The following MELK variants were observed in gnomAD, a reference collection of about 807,000 sequenced individuals.
The protein encoded by MELK is pEg3 kinase.
A neutral mutation model predicts 85.0 loss-of-function variants in MELK; 81 were observed. The observed-to-expected ratio is 0.95, with a 90% CI of 0.80 to 1.15. MELK has a LOEUF of 1.15. Ranked by LOEUF, MELK falls within the 50% of genes most tolerant of loss-of-function variation. MELK has a pLI of 0.00. For synonymous variants in MELK, 252 were observed against 265.0 expected (o/e 0.95, Z 0.48); for missense variants, 754 against 777.5 (o/e 0.97, Z 0.36).
intron 14 of MELK, among the ~76,000 whole-genome samples, chr9:36,666,853 T>TGTGTG (rs1832383352): frequency 1.5e-5 from 2 of 130,744 alleles, no homozygotes; most frequent in African/African-American, 5.8e-5. Flanking sequence ...ATGTCTGTGT[T>TGTGTG]TGTGTGTGTG....
intron 16 of MELK, 38 bp downstream of exon 16, chr9:36,671,204 T>G (rs745662300): frequency 1.3e-6 from 2 of 1,501,506 alleles, no homozygotes; most frequent in Non-Finnish European, 1.8e-6. Flanking sequence ...GAGCAGAAGC[T>G]GACTGCTAAT....
chr9:36,666,898 TGTGTGTGTGATG>T lies in MELK; in HGVS notation c.1408+1327_1408+1338del, dbSNP rs1159444650. 1.3e-4 allele frequency among the ~76,000 whole-genome samples: 15 copies of T among 113,610 alleles called. No individual in the cohort carries two copies. The South Asian group carries it at 3.5e-3, about 26-fold the overall frequency. The allele number at this position is 113,610 out of a possible 152,430, so 74.5% of individuals were successfully genotyped here. A position where few individuals can be genotyped will look rare whatever the true frequency, so the allele number is the denominator to read the frequency against. On this transcript the variant is annotated intron_variant, in intron 14 of 17. Coordinates refer to ENST00000298048, the MANE Select transcript of MELK (RefSeq NM_014791.4). Reference sequence around the variant, plus strand: ...GTGTGTGTGTGTGTGTGTGTGTGTGTGTGTGTGTGATGGTGTGTGTGTGGGGGGGTGCGGTGG... The same window carrying T: ...GTGTGTGTGTGTGTGTGTGTGTGTGTGTGTGTGTGTGGGGGGGTGCGGTGG...
intron 12 of MELK, among the ~76,000 whole-genome samples, chr9:36,653,825 G>T (rs986917710): frequency 6.6e-6 from 1 of 151,022 alleles, no homozygotes. Context: ...CCTCTTTTAT[G>T]ATCTTTTGTT....
intron 8 of MELK, among the ~76,000 whole-genome samples, chr9:36,623,949 T>C (rs1308445018): frequency 6.6e-6 from 1 of 152,246 alleles, no homozygotes; most frequent in Admixed American, 6.5e-5. Context: ...GTAGTAATAG[T>C]ATCAGCAGCA....
chr9:36,589,920 G>GTTT (rs566073692), intron 4 of MELK, among the ~76,000 whole-genome samples: 3,115 of 125,724 alleles, frequency 0.025, 232 homozygotes, highest in African/African-American at 0.09. Flanking sequence ...ACTCATTCTA[G>GTTT]TTTTTTTTTT....
chr9:36,649,040 TAAGAG>T (rs942525542), intron 11 of MELK, among the ~76,000 whole-genome samples: 41 of 152,146 alleles, frequency 2.7e-4, no homozygotes, highest in African/African-American at 9.7e-4. Context: ...TATTCTCAGA[TAAGAG>T]AAGTGATTTT....
intron 13 of MELK, among the ~76,000 whole-genome samples, chr9:36,661,881 G>C (rs1831854554): frequency 6.7e-6 from 1 of 150,130 alleles, no homozygotes; most frequent in African/African-American, 2.5e-5. Context: ...AGCTTGCAGT[G>C]AGCCGAGATT....
chr9:36,672,597 G>C (rs932143385), intron 16 of MELK, among the ~76,000 whole-genome samples: 2 of 152,176 alleles, frequency 1.3e-5, no homozygotes, highest in Non-Finnish European at 2.9e-5. Flanking sequence ...GAGAAGACCT[G>C]GGTTCTGGCT....
At chr9:36,599,350 T>C (rs1281875103) in intron 6 of MELK, 44 bp from the exon 7 acceptor site, 2 of 1,251,914 alleles carry the variant, frequency 1.6e-6, no homozygotes, top group Admixed American at 2.0e-5. Context: ...TTTAATTCTC[T>C]TAAGCGTTGT....
At chr9:36,660,879 T>C (rs1831739344) in intron 13 of MELK, among the ~76,000 whole-genome samples, 2 of 152,030 alleles carry the variant, frequency 1.3e-5, no homozygotes, top group Admixed American at 6.6e-5. Context: ...TAATCCCAGC[T>C]ACTCGGAAGG....
At chr9:36,662,069 ATCTT>A (rs1474264484) in intron 13 of MELK, among the ~76,000 whole-genome samples, 1 of 151,496 alleles carries the variant, frequency 6.6e-6, no homozygotes, top group Non-Finnish European at 1.5e-5. Context: ...GTTATTATAT[ATCTT>A]TCTTTTTTTA....
At chr9:36,629,455 G>A (rs1828293250) in intron 8 of MELK, among the ~76,000 whole-genome samples, 1 of 152,090 alleles carries the variant, frequency 6.6e-6, no homozygotes, top group Non-Finnish European at 1.5e-5. Flanking sequence ...GTATACATTT[G>A]CCTTCTTAGT....
In MELK at chr9:36,665,338, T is replaced by G; in HGVS notation, c.1177-12T>G. The G allele has an allele frequency of 1.3e-6, 2 of 1,555,778 alleles. No individual in the cohort carries two copies. Among genetic ancestry groups the G allele is most frequent in the African/African-American group, 1.4e-5 (1 of 72,428 alleles). On this transcript the variant is annotated splice_polypyrimidine_tract_variant and intron_variant, in intron 13 of 17. Coordinates refer to ENST00000298048, the MANE Select transcript of MELK (RefSeq NM_014791.4). ...CTTCAGTGTGCTTTATCTAGTAACT[T>G]TTTTTTTCCAGTTTACCAAGTACTG...
chr9:36,575,477 T>C (rs1400218547), intron 1 of MELK, among the ~76,000 whole-genome samples: 1 of 152,214 alleles, frequency 6.6e-6, no homozygotes, highest in East Asian at 1.9e-4. Context: ...GCACCAGTTT[T>C]CTCACATTGC....
chr9:36,675,019 C>G lies in MELK; in HGVS notation c.1778+82C>G. 3.1e-6 allele frequency: 3 copies of G among 963,408 alleles called. No homozygotes were observed. The South Asian group carries it at 4.3e-5, about 14-fold the overall frequency. The allele number at this position is 963,408 out of a possible 1,614,324, so 59.7% of individuals were successfully genotyped here. A position where few individuals can be genotyped will look rare whatever the true frequency, so the allele number is the denominator to read the frequency against. Reference sequence around the variant, plus strand: ...AATAGGAGTTGGTTGGGCGCGGTGGCTCACGCCTGTAATCCCAGCACTTTG... The same window carrying G: ...AATAGGAGTTGGTTGGGCGCGGTGGGTCACGCCTGTAATCCCAGCACTTTG... On this transcript the variant is annotated intron_variant, in intron 17 of 17. Coordinates refer to ENST00000298048, the MANE Select transcript of MELK (RefSeq NM_014791.4).
At chr9:36,593,528 G>T (rs1161646715) in intron 4 of MELK, among the ~76,000 whole-genome samples, 1 of 152,144 alleles carries the variant, frequency 6.6e-6, no homozygotes, top group Non-Finnish European at 1.5e-5. Flanking sequence ...CCAGAAATGT[G>T]AGCAATACAT....
chr9:36,638,676 T>C (rs1451391013), intron 10 of MELK, among the ~76,000 whole-genome samples: 1 of 152,208 alleles, frequency 6.6e-6, no homozygotes, highest in African/African-American at 2.4e-5. Context: ...CTGTATATTA[T>C]ACTGTGGTAA....
chr9:36,596,570 TTG>T (rs1477339903), intron 5 of MELK, among the ~76,000 whole-genome samples: 3 of 97,398 alleles, frequency 3.1e-5, no homozygotes, highest in African/African-American at 2.5e-4. Flanking sequence ...TTTGTTTTTT[TTG>T]TTTTTTTTGT....
chr9:36,599,561 G>A (rs888346616), intron 7 of MELK, 75 bp downstream of exon 7: 3 of 1,012,118 alleles, frequency 3.0e-6, no homozygotes, highest in African/African-American at 1.6e-5. Context: ...GTCAGGCACT[G>A]TGCGTTGGGG....
Sources: gnomAD v4.1 joint callset for allele counts (sites outside exome capture counted in the v4.1 genomes callset) on GRCh38, gnomAD v4.1.1 for gene constraint, MANE v1.5 for transcripts, NCBI Gene and HGNC (gene_info 2026-07-23, HGNC 2026-07-21) for gene names.